Variants in AP1G1 observed in about 807,000 individuals in gnomAD.
AP1G1 encodes adaptor related protein complex 1 subunit gamma 1.
A neutral mutation model predicts 108.3 loss-of-function variants in AP1G1; 7 were observed. The observed-to-expected ratio is 0.06, with a 90% CI of 0.04 to 0.12. The LOEUF (loss-of-function observed/expected upper bound fraction) is 0.12. Among genes scored for constraint, AP1G1 ranks in the 10% least tolerant of loss-of-function variants. AP1G1 has a pLI of 1.00. For missense variants in AP1G1, 756 were observed against 1,010.7 expected, an observed-to-expected ratio of 0.75 and a Z score of 3.42; for synonymous variants, 379 against 353.5, an observed-to-expected ratio of 1.07 and a Z score of -0.81.
intron 15 of AP1G1, among the ~76,000 whole-genome samples, chr16:71,748,582 C>G (rs188399847): frequency 3.9e-5 from 6 of 152,184 alleles, no homozygotes; most frequent in African/African-American, 7.2e-5. Flanking sequence ...TGCTCTGGTT[C>G]TATCAACCAG....
chr16:71,736,420 G>A lies in AP1G1; in HGVS notation c.2269-1713C>T, dbSNP rs376379461. On this transcript the variant is annotated intron_variant, in intron 21 of 22. Coordinates refer to ENST00000299980, the MANE Select transcript of AP1G1 (RefSeq NM_001128.6). Reference sequence around the variant, plus strand: ...TTTTTAGATGGAGTCTCGCTCTGTCGCCCAGGCTGGAGTGCAGTGGTGCGA... The same window carrying A: ...TTTTTAGATGGAGTCTCGCTCTGTCACCCAGGCTGGAGTGCAGTGGTGCGA... Among the ~76,000 whole-genome samples the A allele has an allele frequency of 8.2e-5, 12 of 146,482 alleles. No individual in the cohort carries two copies. In the South Asian group the frequency reaches 1.3e-3, roughly 16 times the overall value.
chr16:71,750,004 G>A (rs1332306600), intron 14 of AP1G1, 21 bp from the exon 15 acceptor site: 7 of 1,591,374 alleles, frequency 4.4e-6, no homozygotes, highest in South Asian at 1.1e-5. Flanking sequence ...AAAAGTCAAC[G>A]TTTCTCAAGA....
chr16:71,784,931 A>G (rs2032147332), intron 2 of AP1G1, among the ~76,000 whole-genome samples: 1 of 149,370 alleles, frequency 6.7e-6, no homozygotes. Context: ...ATTTCTATGT[A>G]GCTTGTGTTT....
rs941223836 is a variant in AP1G1 at position 71,808,429 on chromosome 16, G to A, written c.-4+334C>T. ...GACACGCGGGGGTGGGGCCCGCCCC[G>A]CTAAACCCCAGGCTCCCTGAATGAG... On this transcript the variant is annotated intron_variant, in intron 1 of 22. Coordinates refer to ENST00000299980, the MANE Select transcript of AP1G1 (RefSeq NM_001128.6). 7 of 1,168,560 alleles carry A rather than the reference G, an allele frequency of 6.0e-6. No individual in the cohort carries two copies. In the African/African-American group the frequency reaches 1.1e-4, roughly 19 times the overall value. 72.4% of individuals were successfully genotyped at this position (1,168,560 alleles called of 1,614,324 possible).
At chr16:71,799,812 T>C (rs912597829) in intron 1 of AP1G1, among the ~76,000 whole-genome samples, 1 of 151,828 alleles carries the variant, frequency 6.6e-6, no homozygotes, top group Non-Finnish European at 1.5e-5. Context: ...TGCAGGAGAA[T>C]GGCGTGAACC....
chr16:71,804,372 G>A (rs1393461432), intron 1 of AP1G1, among the ~76,000 whole-genome samples: 2 of 148,750 alleles, frequency 1.3e-5, no homozygotes, highest in Admixed American at 1.4e-4. Flanking sequence ...AAACCTGTAA[G>A]CCAAGAAATA....
chr16:71,756,109 C>T lies in AP1G1; in HGVS notation c.1139G>A (p.Gly380Asp), dbSNP rs2030771232. ...FALVNGNNIR[G>D]MMKELLYFLD... ...AAAATAAAGTAATTCTTTCATCATGCCTCGGATATTATTCCCATTTACCAG... is the reference window on the plus strand; with the variant it reads ...AAAATAAAGTAATTCTTTCATCATGTCTCGGATATTATTCCCATTTACCAG... The change falls in exon 12 of 23, where the codon GGC (glycine) becomes GAC (aspartate). Residue 380 changes from glycine (G) to aspartate (D), a missense_variant. Around this residue, in one of 3 missense-constraint regions of AP1G1, gnomAD observed 304 missense variants for 483.6 expected, o/e 0.63. Coordinates refer to ENST00000299980, the MANE Select transcript of AP1G1 (RefSeq NM_001128.6). 1 of 1,613,480 alleles carries T rather than the reference C, an allele frequency of 6.2e-7. No individual in the cohort carries two copies. Among genetic ancestry groups the T allele is most frequent in the Non-Finnish European group, 8.5e-7 (1 of 1,179,756 alleles).
At position 71,749,865 on chromosome 16, in the gene AP1G1, C is replaced by G. The variant is rs781227425; in HGVS notation, c.1497+29G>C. On this transcript the variant is annotated intron_variant, in intron 15 of 22. Coordinates refer to ENST00000299980, the MANE Select transcript of AP1G1 (RefSeq NM_001128.6). ...CCTATAACCAAAACCACTATTTTCC[C>G]CCACTTAACCAAGAGTGACAAGGAG... 80 of 1,544,098 alleles carry G rather than the reference C, an allele frequency of 5.2e-5. No individual in the cohort carries two copies. In the Admixed American group the frequency reaches 1.3e-3, roughly 25 times the overall value.
At chr16:71,799,429 C>T (rs2334877) in intron 1 of AP1G1, among the ~76,000 whole-genome samples, 130,864 of 152,118 alleles carry the variant, frequency 0.86, 56,442 homozygotes, top group East Asian at 0.99. Context: ...GGTACATCCA[C>T]GCTATAAGAC....
Position 71,739,493 on chromosome 16 carries a change from A to T in AP1G1, c.2000-152T>A, listed in dbSNP as rs956149048. 22 of 593,956 alleles carry T rather than the reference A, an allele frequency of 3.7e-5. No individual in the cohort carries two copies. In the Admixed American group the frequency reaches 6.5e-4, roughly 18 times the overall value. 36.8% of individuals were successfully genotyped at this position (593,956 alleles called of 1,614,324 possible). On this transcript the variant is annotated intron_variant, in intron 19 of 22. Transcript: ENST00000299980. The stretch of plus-strand genomic sequence containing the variant: ...AGACCACAAAGAGAAAGAACTAAAA[A>T]CTCAAGTACTTTAAAACGAGCAACT...
intron 2 of AP1G1, among the ~76,000 whole-genome samples, chr16:71,776,794 G>A (rs908512965): frequency 2.0e-5 from 3 of 151,636 alleles, no homozygotes; most frequent in South Asian, 2.1e-4. Flanking sequence ...TTTTTTGCAC[G>A]ACCATTTCTT....
chr16:71,750,859 T>A (rs1219930410), intron 13 of AP1G1, among the ~76,000 whole-genome samples: 1 of 152,042 alleles, frequency 6.6e-6, no homozygotes, highest in Non-Finnish European at 1.5e-5. Context: ...TTTTAAAAAT[T>A]TTCTCTTTGT....
rs1157389072 is a variant in AP1G1, at chr16:71,789,438, G to A, written c.42C>T (p.Ile14=). The part of the protein sequence containing the change: ...PIRLRELIRT[I]RTARTQAEER... ...CTTCAGCTTGGGTTCGGGCTGTCCG[G>A]ATGGTCCGGATCAGCTCCCGCAATC... is the stretch of plus-strand genomic sequence containing the variant. Residue 14 remains isoleucine, a synonymous_variant, in exon 2 of 23, where the codon ATC becomes ATT. Coordinates refer to ENST00000299980, the MANE Select transcript of AP1G1 (RefSeq NM_001128.6). 1.9e-6 allele frequency: 3 copies of A among 1,614,160 alleles called. No individual in the cohort carries two copies. The highest frequency in any genetic ancestry group is 3.3e-5 in the Admixed American group (2 of 60,006).
chr16:71,741,242 T>C (rs908902068), intron 19 of AP1G1, among the ~76,000 whole-genome samples: 7 of 152,140 alleles, frequency 4.6e-5, no homozygotes, highest in South Asian at 4.2e-4. Flanking sequence ...TTTTAAGAAA[T>C]TGACAGCAAG....
intron 12 of AP1G1, chr16:71,755,818 G>A: frequency 1.9e-6 from 1 of 534,794 alleles, no homozygotes; most frequent in Non-Finnish European, 3.2e-6. Flanking sequence ...ACAAATTTTT[G>A]TATTTTTAGT....
intron 2 of AP1G1, 40 bp from the exon 3 acceptor site, chr16:71,774,632 T>G: frequency 6.5e-7 from 1 of 1,541,428 alleles, no homozygotes; most frequent in Non-Finnish European, 8.7e-7. Flanking sequence ...AATTAAAACT[T>G]GCTACCACAA....
At chr16:71,807,994 A>G in intron 1 of AP1G1, 1 of 1,221,286 alleles carries the variant, frequency 8.2e-7, no homozygotes, top group Non-Finnish European at 1.0e-6. Context: ...TCATAAACAT[A>G]ATCTGCTTCA....
intron 1 of AP1G1, among the ~76,000 whole-genome samples, chr16:71,807,296 G>A (rs2033027891): frequency 6.6e-6 from 1 of 152,226 alleles, no homozygotes; most frequent in African/African-American, 2.4e-5. Flanking sequence ...GCCGGGCGTG[G>A]CGGCGTGTGC....
chr16:71,774,833 G>A (rs1162984682), intron 2 of AP1G1, among the ~76,000 whole-genome samples: 1 of 151,812 alleles, frequency 6.6e-6, no homozygotes, highest in Non-Finnish European at 1.5e-5. Context: ...CCATTCTCCT[G>A]CCTCAGCCTC....
Sources: gnomAD v4.1 joint callset for allele counts (sites outside exome capture counted in the v4.1 genomes callset) on GRCh38, gnomAD v4.1.1 for gene constraint, gnomAD v4.1.1 regional missense constraint, MANE v1.5 for transcripts, NCBI Gene and HGNC (gene_info 2026-07-23, HGNC 2026-07-21) for gene names.